Variants in KLHDC10 observed in about 807,000 individuals in gnomAD.
KLHDC10 encodes the protein kelch domain-containing protein 10.
In KLHDC10, 24 loss-of-function variants were observed where a neutral mutation model predicts 56.1. The observed-to-expected ratio is 0.43, with a 90% CI of 0.31 to 0.60. KLHDC10 has a LOEUF of 0.60. Ranked by LOEUF, KLHDC10 falls within the 20% of genes least tolerant of loss-of-function variation. The pLI, the probability that KLHDC10 is intolerant of heterozygous loss-of-function variation, is 0.11. For synonymous variants in KLHDC10, 188 were observed against 207.1 expected, an observed-to-expected ratio of 0.91 and a Z score of 0.79; for missense variants, 349 against 567.0, an observed-to-expected ratio of 0.62 and a Z score of 3.91.
intron 3 of KLHDC10, among the ~76,000 whole-genome samples, chr7:130,119,178 C>T (rs975896247): frequency 6.7e-6 from 1 of 149,200 alleles, no homozygotes; most frequent in Non-Finnish European, 1.5e-5. Flanking sequence ...CACTGCACTC[C>T]AGCTAGGCAA....
At chr7:130,092,959 A>C (rs942311267) in intron 1 of KLHDC10, among the ~76,000 whole-genome samples, 1 of 145,122 alleles carries the variant, frequency 6.9e-6, no homozygotes, top group Non-Finnish European at 1.5e-5. Context: ...GTGATTCCTC[A>C]TAGTATTAGT....
chr7:130,118,224 A>G (rs1796197745), intron 3 of KLHDC10, among the ~76,000 whole-genome samples: 1 of 152,222 alleles, frequency 6.6e-6, no homozygotes, highest in Non-Finnish European at 1.5e-5. Context: ...TAGTGTAGCC[A>G]CTTAGCTAGA....
intron 3 of KLHDC10, among the ~76,000 whole-genome samples, chr7:130,118,200 A>T (rs1398714697): frequency 6.6e-6 from 1 of 152,210 alleles, no homozygotes; most frequent in Non-Finnish European, 1.5e-5. Context: ...AAAAAAAATT[A>T]AAAATCTGTT....
chr7:130,099,431 T>C (rs1484676983), intron 2 of KLHDC10, among the ~76,000 whole-genome samples: 1 of 152,214 alleles, frequency 6.6e-6, no homozygotes, highest in East Asian at 1.9e-4. Flanking sequence ...TGGTAAGTGT[T>C]CTGATGAGGT....
chr7:130,076,221 G>A lies in KLHDC10; in HGVS notation c.166+5412G>A, dbSNP rs115277614. 7.9e-3 allele frequency among the ~76,000 whole-genome samples: 1,201 copies of A among 152,128 alleles called. 12 individuals carry two copies. The highest frequency in any genetic ancestry group is 0.028 in the African/African-American group (1,142 of 41,518). On this transcript the variant is annotated intron_variant, in intron 1 of 9. Transcript: ENST00000335420. ...ATCTGACAGGAGGCCAAGCTCTGGC[G>A]GGAATGCTCACTCGCCCACCACTCA...
chr7:130,128,514 CAG>C (rs1248825102), intron 8 of KLHDC10, among the ~76,000 whole-genome samples: 1 of 152,130 alleles, frequency 6.6e-6, no homozygotes, highest in African/African-American at 2.4e-5. Flanking sequence ...ACAGATCAAA[CAG>C]AGCTTCAGTT....
intron 2 of KLHDC10, among the ~76,000 whole-genome samples, chr7:130,115,900 C>T (rs1184890079): frequency 6.6e-6 from 1 of 151,976 alleles, no homozygotes; most frequent in African/African-American, 2.4e-5. Flanking sequence ...CAAAATTTTA[C>T]TGTAACTCCT....
At chr7:130,079,685 A>G (rs1335524877) in intron 1 of KLHDC10, among the ~76,000 whole-genome samples, 2 of 151,710 alleles carry the variant, frequency 1.3e-5, no homozygotes, top group African/African-American at 4.8e-5. Flanking sequence ...TTCCACTTTT[A>G]TAAAACTATT....
chr7:130,107,969 C>T (rs1357156034), intron 2 of KLHDC10, among the ~76,000 whole-genome samples: 11 of 151,232 alleles, frequency 7.3e-5, no homozygotes, highest in African/African-American at 7.3e-5. Flanking sequence ...GAGGTGAGAC[C>T]GCGCCACTGC....
chr7:130,134,241 A>T lies in KLHDC10; in HGVS notation c.*3495A>T, dbSNP rs1796437678. 1 of 152,218 alleles carries T rather than the reference A, an allele frequency of 6.6e-6. No homozygotes were observed. Among genetic ancestry groups the T allele is most frequent in the Non-Finnish European group, 1.5e-5 (1 of 68,044 alleles). The allele number at this position is 152,218 out of a possible 1,614,324, so 9.4% of individuals were successfully genotyped here. A position where few individuals can be genotyped will look rare whatever the true frequency, so the allele number is the denominator to read the frequency against. ...GAGTAGGTAGAAAAGGAAAAGGAAT[A>T]ATCAGTAGGAGCTGACAACCAGTGA... On this transcript the variant is annotated 3_prime_UTR_variant, in exon 10 of 10. Coordinates refer to ENST00000335420, the MANE Select transcript of KLHDC10 (RefSeq NM_014997.4).
Position 130,130,954 on chromosome 7 carries a change from C to T in KLHDC10, c.*208C>T. 1 of 553,474 alleles carries T rather than the reference C, an allele frequency of 1.8e-6. No homozygotes were observed. Among genetic ancestry groups the T allele is most frequent in the Non-Finnish European group, 3.2e-6 (1 of 308,252 alleles). 34.3% of individuals were successfully genotyped at this position (553,474 alleles called of 1,614,324 possible). The stretch of plus-strand genomic sequence containing the variant: ...TGCTTCCTTCTTTGCTTCTGTTCCT[C>T]CTGACCCATTACATGCACATGTACT... On this transcript the variant is annotated 3_prime_UTR_variant, in exon 10 of 10. Coordinates refer to ENST00000335420, the MANE Select transcript of KLHDC10 (RefSeq NM_014997.4). The surrounding 1 kb of genome is among the most constrained non-coding windows in gnomAD (Gnocchi z 4.2).
intron 8 of KLHDC10, among the ~76,000 whole-genome samples, chr7:130,128,889 A>AAATATATATATATATATATATAT: frequency 1.5e-5 from 1 of 66,958 alleles, no homozygotes; most frequent in African/African-American, 7.3e-5. Flanking sequence ...AAAAAAAAAA[A>AAATATATATATATATATATATAT]ATATATATAT....
intron 2 of KLHDC10, among the ~76,000 whole-genome samples, chr7:130,108,347 A>T (rs1411402562): frequency 1.3e-5 from 2 of 152,184 alleles, no homozygotes; most frequent in African/African-American, 4.8e-5. Flanking sequence ...TTTTAAAAAT[A>T]GAATTTTAAT....
intron 5 of KLHDC10, among the ~76,000 whole-genome samples, chr7:130,123,324 G>C (rs1160912597): frequency 1.3e-5 from 2 of 152,002 alleles, no homozygotes; most frequent in Non-Finnish European, 2.9e-5. Flanking sequence ...AAAAAAGTTA[G>C]CTGGGTGTGG....
intron 1 of KLHDC10, among the ~76,000 whole-genome samples, chr7:130,080,536 G>A (rs1460697208): frequency 6.6e-6 from 1 of 151,782 alleles, no homozygotes; most frequent in Non-Finnish European, 1.5e-5. Context: ...GGGACTACAG[G>A]TGTACACCAC....
At chr7:130,128,366 GA>G (rs1473471898) in intron 8 of KLHDC10, among the ~76,000 whole-genome samples, 1 of 152,194 alleles carries the variant, frequency 6.6e-6, no homozygotes, top group Non-Finnish European at 1.5e-5. Flanking sequence ...CATACAAATA[GA>G]ATTCAACCTT....
In KLHDC10 at chr7:130,135,216, T is replaced by G. The variant is rs1796458096; in HGVS notation, c.*4470T>G. ...AAAAAACAATTTCACCAAGCGGTAGTAATTGTTGTTTTACTAGTTATACAT... is the reference window on the plus strand; with the variant it reads ...AAAAAACAATTTCACCAAGCGGTAGGAATTGTTGTTTTACTAGTTATACAT... On this transcript the variant is annotated 3_prime_UTR_variant, in exon 10 of 10. Coordinates refer to ENST00000335420, the MANE Select transcript of KLHDC10 (RefSeq NM_014997.4). The G allele has an allele frequency of 6.5e-6, 1 of 152,700 alleles. No individual in the cohort carries two copies. The highest frequency in any genetic ancestry group is 1.5e-5 in the Non-Finnish European group (1 of 67,980). 9.5% of individuals were successfully genotyped at this position (152,700 alleles called of 1,614,324 possible).
intron 1 of KLHDC10, among the ~76,000 whole-genome samples, chr7:130,084,899 GC>G (rs1285684495): frequency 6.6e-6 from 1 of 152,078 alleles, no homozygotes; most frequent in East Asian, 1.9e-4. Flanking sequence ...TGTTGTTTTG[GC>G]AGTGTTAAGC....
intron 2 of KLHDC10, among the ~76,000 whole-genome samples, chr7:130,106,674 AC>A (rs1641582570): frequency 6.6e-6 from 1 of 152,218 alleles, no homozygotes; most frequent in South Asian, 2.1e-4. Flanking sequence ...TCTGTATGTT[AC>A]ATTTGAATAC....
Sources: allele counts gnomAD v4.1 joint callset (sites outside exome capture counted in the v4.1 genomes callset), GRCh38; gene constraint gnomAD v4.1.1; non-coding constraint Gnocchi (gnomAD v3.1); transcripts MANE v1.5; gene names NCBI Gene and HGNC (gene_info 2026-07-23, HGNC 2026-07-21).